ASRGL1: variants seen among roughly 807,000 people sequenced by gnomAD.
ASRGL1 encodes the protein asparaginase and isoaspartyl peptidase 1.
In ASRGL1, 16 loss-of-function variants were observed where a neutral mutation model predicts 22.4. The ratio of observed to expected loss-of-function variants is 0.71; its 90% CI spans 0.48 to 1.08. ASRGL1 has a LOEUF of 1.08. Among genes scored for constraint, ASRGL1 ranks in the 50% least tolerant of loss-of-function variants. The probability of loss-of-function intolerance (pLI) is 0.00; values close to 1 mark genes in which losing one functional copy is unlikely to be tolerated. For missense variants in ASRGL1, 412 were observed against 410.1 expected, an observed-to-expected ratio of 1.00 and a Z score of -0.04; for synonymous variants, 165 against 159.3, an observed-to-expected ratio of 1.04 and a Z score of -0.27.
chr11:62,382,502 G>T (rs1947096207), intron 4 of ASRGL1: 1 of 152,022 alleles, frequency 6.6e-6, no homozygotes, highest in South Asian at 2.1e-4. Flanking sequence ...CCCTAAGGCT[G>T]TTTTCTCCTA....
chr11:62,372,681 T>G, intron 4 of ASRGL1: 2 of 1,173,086 alleles, frequency 1.7e-6, no homozygotes, highest in Admixed American at 3.4e-5. Flanking sequence ...CTTCAGTGGC[T>G]ATGGCTGGCT....
At chr11:62,372,242 G>C in intron 4 of ASRGL1, 2 of 1,476,274 alleles carry the variant, frequency 1.4e-6, no homozygotes, top group Non-Finnish European at 1.9e-6. Context: ...CGTGTGCGCG[G>C]AACCACACCT....
chr11:62,371,879 G>C, intron 4 of ASRGL1: 2 of 547,982 alleles, frequency 3.6e-6, no homozygotes, highest in South Asian at 2.1e-5. Context: ...GCGTGAACCC[G>C]GGAGGCGGAG....
intron 2 of ASRGL1, among the ~76,000 whole-genome samples, chr11:62,347,060 C>A (rs1247488799): frequency 6.6e-6 from 1 of 152,026 alleles, no homozygotes; most frequent in Non-Finnish European, 1.5e-5. Flanking sequence ...TGCACCCAAA[C>A]TTTGATGTGA....
intron 4 of ASRGL1, among the ~76,000 whole-genome samples, chr11:62,358,641 T>C (rs1249059400): frequency 1.3e-5 from 2 of 152,204 alleles, no homozygotes; most frequent in South Asian, 2.1e-4. Flanking sequence ...CACAAAACAA[T>C]TGACTTATTC....
chr11:62,348,428 G>C (rs927661881), intron 2 of ASRGL1, among the ~76,000 whole-genome samples: 13 of 152,312 alleles, frequency 8.5e-5, no homozygotes, highest in Middle Eastern at 3.4e-3. Context: ...TCATGGCCGG[G>C]CGTGGTGACT....
chr11:62,339,543 C>T (rs1945814178), intron 2 of ASRGL1, among the ~76,000 whole-genome samples: 1 of 152,104 alleles, frequency 6.6e-6, no homozygotes, highest in Non-Finnish European at 1.5e-5. Flanking sequence ...AGGCAGTGGT[C>T]TAAGAAATTT....
the ASRGL1 span, among the ~76,000 whole-genome samples, chr11:62,399,512 T>G: frequency 6.6e-6 from 1 of 152,198 alleles, no homozygotes; most frequent in East Asian, 1.9e-4. Flanking sequence ...GGCTTCATTT[T>G]ATTTGAGAGA....
intron 3 of ASRGL1, 119 bp downstream of exon 3, chr11:62,356,586 C>A: frequency 8.0e-7 from 1 of 1,247,220 alleles, no homozygotes; most frequent in South Asian, 1.4e-5. Flanking sequence ...ATATACAAAA[C>A]AGATGCAATG....
chr11:62,373,195 G>A (rs1388623119), intron 4 of ASRGL1: 14 of 983,388 alleles, frequency 1.4e-5, no homozygotes, highest in South Asian at 5.1e-5. Flanking sequence ...AGACTCCTCC[G>A]ACTCCACACC....
At chr11:62,387,155 G>A (rs34950346) in intron 4 of ASRGL1, among the ~76,000 whole-genome samples, 41,140 of 150,912 alleles carry the variant, frequency 0.27, 5,697 homozygotes, top group South Asian at 0.36. Context: ...AGCCTGCCTC[G>A]GCCTCCCAAA....
chr11:62,377,791 A>G (rs1946966532), intron 4 of ASRGL1, among the ~76,000 whole-genome samples: 1 of 152,192 alleles, frequency 6.6e-6, no homozygotes, highest in Non-Finnish European at 1.5e-5. Flanking sequence ...TGCCTGACCA[A>G]TTAATGTAAC....
chr11:62,353,868 G>A (rs1590715238), intron 2 of ASRGL1, among the ~76,000 whole-genome samples: 1 of 152,164 alleles, frequency 6.6e-6, no homozygotes, highest in African/African-American at 2.4e-5. Context: ...TCAGTGTAAA[G>A]GGATGCCTTG....
downstream of ASRGL1, among the ~76,000 whole-genome samples, chr11:62,395,052 C>T (rs1303300650): frequency 6.6e-6 from 1 of 152,216 alleles, no homozygotes; most frequent in African/African-American, 2.4e-5. Flanking sequence ...GGAAGGTACT[C>T]TATCTGGATC....
At position 62,392,529 on chromosome 11, in the gene ASRGL1, A is replaced by C; in HGVS notation, c.*245A>C. The C allele has an allele frequency of 1.9e-6, 1 of 537,560 alleles. No homozygotes were observed. The highest frequency in any genetic ancestry group is 3.3e-6 in the Non-Finnish European group (1 of 299,612). 33.3% of individuals were successfully genotyped at this position (537,560 alleles called of 1,614,324 possible). A position where few individuals can be genotyped will look rare whatever the true frequency, so the allele number is the denominator to read the frequency against. ...AGCTGAGGTGAGCCATGATTACTCC[A>C]CTGCACTCCAGCCTGGGCAACAGAG... On this transcript the variant is annotated 3_prime_UTR_variant, in exon 7 of 7. Coordinates refer to ENST00000415229, the MANE Select transcript of ASRGL1 (RefSeq NM_001083926.2).
chr11:62,356,329 T>TAC lies in ASRGL1; in HGVS notation c.195_196insAC (p.Gly66ThrfsTer5). On this transcript the variant is annotated frameshift_variant, in exon 3 of 7. Transcript: ENST00000415229. LOFTEE classifies it high-confidence loss of function. ...TCAACTTCTTTTTGGTTTTAGGTTG[T>TAC]GGGTCTGTCTTGAACACAAATGGTG... 1 of 1,613,846 alleles carries TAC rather than the reference T, an allele frequency of 6.2e-7. No individual in the cohort carries two copies. Among genetic ancestry groups the TAC allele is most frequent in the Non-Finnish European group, 8.5e-7 (1 of 1,179,850 alleles).
At chr11:62,368,342 C>G (rs931747902) in intron 4 of ASRGL1, among the ~76,000 whole-genome samples, 2 of 152,136 alleles carry the variant, frequency 1.3e-5, no homozygotes, top group African/African-American at 4.8e-5. Flanking sequence ...GGGGGGACTA[C>G]TGTTTTACAC....
intron 4 of ASRGL1, among the ~76,000 whole-genome samples, chr11:62,367,344 A>T (rs1036871530): frequency 6.7e-6 from 1 of 148,236 alleles, no homozygotes; most frequent in Non-Finnish European, 1.5e-5. Context: ...TCTCAAAAAA[A>T]AAAAAGAGAG....
At chr11:62,366,875 T>G (rs1946623517) in intron 4 of ASRGL1, among the ~76,000 whole-genome samples, 1 of 152,186 alleles carries the variant, frequency 6.6e-6, no homozygotes. Flanking sequence ...AATCTGCTGT[T>G]TTTATTTTGC....
Sources: gnomAD v4.1 joint callset for allele counts (sites outside exome capture counted in the v4.1 genomes callset) on GRCh38, gnomAD v4.1.1 for gene constraint, MANE v1.5 for transcripts, NCBI Gene and HGNC (gene_info 2026-07-23, HGNC 2026-07-21) for gene names.